Variants in SLMAP observed in about 807,000 individuals in gnomAD.
SLMAP encodes sarcolemma associated protein.
Under a neutral mutation model 128.8 loss-of-function variants are expected in SLMAP, and 44 were observed. The ratio of observed to expected loss-of-function variants is 0.34; its 90% CI spans 0.27 to 0.44. SLMAP has a LOEUF of 0.44. SLMAP is among the 20% of genes least tolerant of loss of function. The pLI, the probability that SLMAP is intolerant of heterozygous loss-of-function variation, is 1.00. For missense variants in SLMAP, 787 were observed against 985.3 expected, an observed-to-expected ratio of 0.80 and a Z score of 2.69; for synonymous variants, 327 against 348.8, an observed-to-expected ratio of 0.94 and a Z score of 0.70.
chr3:57,845,645 G>A (rs369710928), intron 4 of SLMAP, among the ~76,000 whole-genome samples: 1 of 152,030 alleles, frequency 6.6e-6, no homozygotes, highest in East Asian at 1.9e-4. Flanking sequence ...TGAGTCCCCT[G>A]TACTCACCCC....
At chr3:57,792,156 G>A (rs1011494915) in intron 2 of SLMAP, among the ~76,000 whole-genome samples, 3 of 151,794 alleles carry the variant, frequency 2.0e-5, no homozygotes, top group Non-Finnish European at 2.9e-5. Context: ...ATTTAGATGC[G>A]ACCTTCTTAG....
chr3:57,923,120 T>A (rs947604198), intron 23 of SLMAP, 97 bp downstream of exon 23: 30 of 1,103,180 alleles, frequency 2.7e-5, no homozygotes, highest in Non-Finnish European at 2.8e-5. Flanking sequence ...GTGAAGCAAA[T>A]GGTACAGATG....
At chr3:57,883,735 T>A (rs998906617) in intron 14 of SLMAP, among the ~76,000 whole-genome samples, 1 of 152,192 alleles carries the variant, frequency 6.6e-6, no homozygotes, top group South Asian at 2.1e-4. Context: ...GTAAGAGATA[T>A]GGGTTTCCAC....
At chr3:57,917,959 G>A (rs1243106869) in intron 22 of SLMAP, 1 of 152,194 alleles carries the variant, frequency 6.6e-6, no homozygotes. Context: ...GTTGTTTCTA[G>A]AAGATCTGCT....
chr3:57,791,184 C>T (rs1305864309), intron 2 of SLMAP, among the ~76,000 whole-genome samples: 1 of 151,984 alleles, frequency 6.6e-6, no homozygotes, highest in African/African-American at 2.4e-5. Context: ...GGCGAAACCC[C>T]ATCTCTACTA....
Position 57,757,818 on chromosome 3 carries a change from C to G in SLMAP, c.167C>G (p.Ala56Gly). The part of the protein sequence containing the change: ...FDCKVLSRNH[A>G]LVWFDHKTGK... ...TGCAAAGTGCTATCAAGGAACCACGCTCTCGTCTGGTTTGATCACAAGACG... is the reference window on the plus strand; with the variant it reads ...TGCAAAGTGCTATCAAGGAACCACGGTCTCGTCTGGTTTGATCACAAGACG... Residue 56 changes from alanine to glycine, a missense_variant, in exon 2 of 25, where the codon GCT (alanine) becomes GGT (glycine). By Grantham distance (60) the Ala-to-Gly change is moderately conservative (BLOSUM62 0). This residue lies in a region of SLMAP where 72 missense variants were observed against 141.8 expected (regional missense o/e 0.51). Coordinates refer to ENST00000671191, the MANE Select transcript of SLMAP (RefSeq NM_001377540.1). 1 of 1,614,192 alleles carries G rather than the reference C, an allele frequency of 6.2e-7. No homozygotes were observed. Among genetic ancestry groups the G allele is most frequent in the Non-Finnish European group, 8.5e-7 (1 of 1,180,028 alleles).
intron 14 of SLMAP, among the ~76,000 whole-genome samples, chr3:57,883,158 TGCAA>T (rs2095792253): frequency 6.6e-6 from 1 of 152,210 alleles, no homozygotes; most frequent in Non-Finnish European, 1.5e-5. Flanking sequence ...AATGAATAGT[TGCAA>T]TATACCTTAA....
chr3:57,831,586 T>G, intron 3 of SLMAP, 56 bp downstream of exon 3: 1 of 1,210,324 alleles, frequency 8.3e-7, no homozygotes, highest in African/African-American at 1.6e-5. Flanking sequence ...ATTTAATTTT[T>G]TATTATCTTA....
rs535663670 is a variant in SLMAP at position 57,896,783 on chromosome 3, C to T, written c.1442-90C>T. On this transcript the variant is annotated intron_variant, in intron 16 of 24. Transcript: ENST00000671191. ...AACTACCCGAATATAATAGCTGTAT[C>T]AATTCCAATTGTTTGTTTTGATAAC... 1.3e-5 allele frequency: 18 copies of T among 1,439,860 alleles called. No individual in the cohort carries two copies. The African/African-American group carries it at 2.6e-4, about 21-fold the overall frequency. The allele number at this position is 1,439,860 out of a possible 1,614,324, so 89.2% of individuals were successfully genotyped here.
At chr3:57,884,333 G>A (rs1167070820) in intron 14 of SLMAP, among the ~76,000 whole-genome samples, 2 of 152,128 alleles carry the variant, frequency 1.3e-5, no homozygotes, top group Non-Finnish European at 2.9e-5. Context: ...TCTGTAGACT[G>A]GGGTATTTCA....
chr3:57,871,643 G>A lies in SLMAP; in HGVS notation c.1245G>A (p.Leu415=), dbSNP rs762688800. The change falls in exon 14 of 25, where the codon TTG becomes TTA. Residue 415 remains leucine (L), a synonymous_variant. Coordinates refer to ENST00000671191, the MANE Select transcript of SLMAP (RefSeq NM_001377540.1). ...KINGSTEKEH[L]LSKSGGDCTF... is the part of the protein sequence containing the mutation. ...TGTTTCTTTCTTTATTAGAGCACTT[G>A]CTTTCAAAGAGTGGCGGGGACTGCA... 1.9e-6 allele frequency: 3 copies of A among 1,612,442 alleles called. No homozygotes were observed. Among genetic ancestry groups the A allele is most frequent in the Admixed American group, 1.7e-5 (1 of 59,958 alleles).
At chr3:57,796,896 G>A (rs1402486502) in intron 2 of SLMAP, among the ~76,000 whole-genome samples, 1 of 152,170 alleles carries the variant, frequency 6.6e-6, no homozygotes, top group African/African-American at 2.4e-5. Flanking sequence ...TTCAAGGCAA[G>A]GGGCTGGATA....
chr3:57,925,734 C>G (rs1284146058), intron 23 of SLMAP, 111 bp from the exon 24 acceptor site: 3 of 717,600 alleles, frequency 4.2e-6, no homozygotes, highest in Non-Finnish European at 7.3e-6. Context: ...GAGTGGTATA[C>G]TTCTATTATT....
intron 2 of SLMAP, among the ~76,000 whole-genome samples, chr3:57,761,832 G>A: frequency 6.6e-6 from 1 of 150,486 alleles, no homozygotes; most frequent in Non-Finnish European, 1.5e-5. Flanking sequence ...TGGATCATGA[G>A]GTCAGGAGAT....
intron 2 of SLMAP, among the ~76,000 whole-genome samples, chr3:57,802,356 C>T (rs1041746531): frequency 3.3e-5 from 5 of 152,040 alleles, no homozygotes; most frequent in Admixed American, 3.3e-4. Context: ...CAGCTCACTG[C>T]AACCTCCGTC....
intron 14 of SLMAP, among the ~76,000 whole-genome samples, chr3:57,885,353 A>T (rs1172669114): frequency 6.6e-6 from 1 of 150,468 alleles, no homozygotes; most frequent in Non-Finnish European, 1.5e-5. Flanking sequence ...TACAGGCGTG[A>T]GCCACTGCAC....
chr3:57,869,974 A>G (rs944469663), intron 13 of SLMAP, among the ~76,000 whole-genome samples: 119 of 151,984 alleles, frequency 7.8e-4, no homozygotes, highest in African/African-American at 2.8e-3. Flanking sequence ...GTGGTTCTCT[A>G]TCTTTTTATA....
chr3:57,921,045 G>A (rs2096908197), intron 22 of SLMAP, among the ~76,000 whole-genome samples: 1 of 151,742 alleles, frequency 6.6e-6, no homozygotes, highest in African/African-American at 2.4e-5. Context: ...GGCAGAGTGG[G>A]GTAGTGGAAG....
chr3:57,849,757 G>T lies in SLMAP; in HGVS notation c.460G>T (p.Ala154Ser). Residue 154 changes from alanine (A) to serine (S), a missense_variant, in exon 6 of 25, where the codon GCT becomes TCT. Physicochemically the swap from Ala to Ser is moderately conservative, Grantham distance 99. Transcript: ENST00000671191. ...ATACTGTGTCATTTGTTTCTAGGTTGCTGCTAACACTCCAAGTATGTACTC... is the reference window on the plus strand; with the variant it reads ...ATACTGTGTCATTTGTTTCTAGGTTTCTGCTAACACTCCAAGTATGTACTC... ...APLPSPVDKV[A>S]ANTPSMYSQE... 9.7e-6 allele frequency: 15 copies of T among 1,553,464 alleles called. No individual in the cohort carries two copies. Among genetic ancestry groups the T allele is most frequent in the Non-Finnish European group, 1.3e-5 (15 of 1,124,948 alleles).
Sources: gnomAD v4.1 joint callset for allele counts (sites outside exome capture counted in the v4.1 genomes callset) on GRCh38, gnomAD v4.1.1 for gene constraint, gnomAD v4.1.1 regional missense constraint, MANE v1.5 for transcripts, NCBI Gene and HGNC (gene_info 2026-07-23, HGNC 2026-07-21) for gene names.